Variants in ZNF540 observed in about 807,000 individuals in gnomAD.
The protein encoded by ZNF540 is zinc finger protein 540.
A neutral mutation model predicts 11.8 loss-of-function variants in ZNF540; 3 were observed. The observed-to-expected ratio is 0.25, with a 90% CI of 0.12 to 0.65. ZNF540 has a LOEUF of 0.65. Ranked by LOEUF, ZNF540 falls within the 30% of genes least tolerant of loss-of-function variation. ZNF540 has a pLI of 0.83. For synonymous variants in ZNF540, 247 were observed against 259.0 expected, an observed-to-expected ratio of 0.95 and a Z score of 0.45; for missense variants, 709 against 793.1, an observed-to-expected ratio of 0.89 and a Z score of 1.27.
intron 1 of ZNF540, among the ~76,000 whole-genome samples, chr19:37,559,523 G>C (rs2042695112): frequency 6.6e-6 from 1 of 152,154 alleles, no homozygotes; most frequent in African/African-American, 2.4e-5. Context: ...AATTCTGCAG[G>C]CATTTTGAAA....
chr19:37,603,153 G>A (rs547989965), intron 4 of ZNF540, among the ~76,000 whole-genome samples: 3 of 151,894 alleles, frequency 2.0e-5, no homozygotes, highest in South Asian at 2.1e-4. Context: ...TATTACAGGC[G>A]CCTGCCACCA....
chr19:37,604,918 C>T (rs960082829), intron 4 of ZNF540, among the ~76,000 whole-genome samples: 3 of 152,328 alleles, frequency 2.0e-5, no homozygotes, highest in African/African-American at 7.2e-5. Flanking sequence ...CATACTACTT[C>T]TACTTCTGAT....
Position 37,584,069 on chromosome 19 carries a change from A to G in ZNF540, c.-72-14307A>G, listed in dbSNP as rs2043573115. On this transcript the variant is annotated intron_variant, in intron 1 of 4. Coordinates refer to the ZNF540 transcript ENST00000592533. ...TTCCCATTCCTCCTGAGAGAAGTCAATGGCCACATCCCTGAAAGTCACCAA... is the reference window on the plus strand; with the variant it reads ...TTCCCATTCCTCCTGAGAGAAGTCAGTGGCCACATCCCTGAAAGTCACCAA... 8.7e-6 allele frequency: 14 copies of G among 1,614,046 alleles called. No homozygotes were observed. The highest frequency in any genetic ancestry group is 1.2e-5 in the Non-Finnish European group (14 of 1,180,024).
At chr19:37,600,781 A>G (rs775336304) in intron 3 of ZNF540, among the ~76,000 whole-genome samples, 2 of 152,258 alleles carry the variant, frequency 1.3e-5, no homozygotes, top group South Asian at 4.2e-4. Flanking sequence ...TAATTCCAAA[A>G]TGAATTAAAA....
chr19:37,612,873 C>CT lies in ZNF540; in HGVS notation c.1596dup (p.Ile533TyrfsTer3), dbSNP rs769198120. 6.8e-6 allele frequency: 11 copies of CT among 1,613,910 alleles called. No individual in the cohort carries two copies. The highest frequency in any genetic ancestry group is 6.8e-6 in the Non-Finnish European group (8 of 1,180,000). On this transcript the variant is annotated frameshift_variant, in exon 5 of 5. Transcript: ENST00000316433. LOFTEE classifies it low-confidence loss of function (END_TRUNC). The stretch of plus-strand genomic sequence containing the variant: ...ATAAATGTAAAGAATGTGGAAAGGC[C>CT]TTTATTCGTAGAGGGAATCTTAAAG...
intron 1 of ZNF540, chr19:37,584,996 C>G (rs2043618316): frequency 6.6e-6 from 1 of 150,822 alleles, no homozygotes; most frequent in African/African-American, 2.4e-5. Flanking sequence ...TAGACAAATT[C>G]TCTAATGTCT....
intron 4 of ZNF540, among the ~76,000 whole-genome samples, chr19:37,602,537 C>A (rs1661674569): frequency 6.6e-6 from 1 of 152,112 alleles, no homozygotes; most frequent in African/African-American, 2.4e-5. Flanking sequence ...CATAAGATAT[C>A]GACTGTCTGG....
chr19:37,592,729 T>G (rs2043903237), upstream of ZNF540, among the ~76,000 whole-genome samples: 1 of 152,210 alleles, frequency 6.6e-6, no homozygotes, highest in Non-Finnish European at 1.5e-5. Context: ...CTGATCCAAA[T>G]TCCATCAAAC....
intron 1 of ZNF540, chr19:37,586,834 G>C: frequency 2.6e-6 from 2 of 763,970 alleles, no homozygotes; most frequent in Non-Finnish European, 4.3e-6. Flanking sequence ...CTCCTCTTTT[G>C]GGAATTTGGA....
intron 1 of ZNF540, chr19:37,565,927 A>T: frequency 6.2e-7 from 1 of 1,613,916 alleles, no homozygotes; most frequent in Non-Finnish European, 8.5e-7. Context: ...TCTTAACTTC[A>T]GAGCATTTTT....
chr19:37,563,453 G>A (rs1157069049), intron 1 of ZNF540: 1 of 151,860 alleles, frequency 6.6e-6, no homozygotes, highest in Non-Finnish European at 1.5e-5. Context: ...AGGAAAAACT[G>A]TAGTTGGTAA....
chr19:37,597,188 G>T (rs1568365642), intron 1 of ZNF540, among the ~76,000 whole-genome samples: 1 of 151,910 alleles, frequency 6.6e-6, no homozygotes, highest in South Asian at 2.1e-4. Flanking sequence ...TGCTTCCAGG[G>T]CCATAAATTT....
upstream of ZNF540, among the ~76,000 whole-genome samples, chr19:37,590,945 GAATA>G (rs1227105506): frequency 3.9e-5 from 6 of 152,052 alleles, no homozygotes; most frequent in Non-Finnish European, 5.9e-5. Context: ...TTATATTTTA[GAATA>G]AAGAACGTAA....
chr19:37,584,030 G>GCAGGGTC (rs1568356364), intron 1 of ZNF540: 1 of 1,614,082 alleles, frequency 6.2e-7, no homozygotes, highest in Non-Finnish European at 8.5e-7. Flanking sequence ...GTCCCTCTGA[G>GCAGGGTC]CAGGGTCCAG....
At chr19:37,585,817 A>C (rs745352629) in intron 1 of ZNF540, 3 of 152,184 alleles carry the variant, frequency 2.0e-5, no homozygotes, top group Non-Finnish European at 4.4e-5. Flanking sequence ...GTTATCCTGG[A>C]TTATCTGGTT....
rs752184948 is a variant in ZNF540 at position 37,565,182 on chromosome 19, C to T, written c.-73+13517C>T. ...CATTCCTTACATTTGTAGGGCTTCTCTCCGGTATGAATTCTTTGATGTTGA... is the reference window on the plus strand; with the variant it reads ...CATTCCTTACATTTGTAGGGCTTCTTTCCGGTATGAATTCTTTGATGTTGA... On this transcript the variant is annotated intron_variant, in intron 1 of 4. Coordinates refer to the ZNF540 transcript ENST00000592533. 2.3e-5 allele frequency: 37 copies of T among 1,613,372 alleles called. 2 individuals carry two copies. In the South Asian group the frequency reaches 3.8e-4, roughly 17 times the overall value.
At chr19:37,555,875 C>T (rs1333270074) in intron 1 of ZNF540, 7 of 700,306 alleles carry the variant, frequency 1.0e-5, no homozygotes, top group East Asian at 8.0e-5. Flanking sequence ...TAATTTAGGA[C>T]GAGAAGCACG....
upstream of ZNF540, chr19:37,594,717 T>A (rs1444335399): frequency 6.6e-6 from 1 of 152,168 alleles, no homozygotes; most frequent in Non-Finnish European, 1.5e-5. Context: ...CTGCGAGCGG[T>A]TCCCGGTGAG....
intron 1 of ZNF540, among the ~76,000 whole-genome samples, chr19:37,578,279 G>A (rs1388521079): frequency 6.6e-6 from 1 of 152,166 alleles, no homozygotes; most frequent in Non-Finnish European, 1.5e-5. Flanking sequence ...AACTCACAGA[G>A]AACAGAGAGA....
Sources: allele counts gnomAD v4.1 joint callset (sites outside exome capture counted in the v4.1 genomes callset), GRCh38; gene constraint gnomAD v4.1.1; transcripts MANE v1.5; gene names NCBI Gene and HGNC (gene_info 2026-07-23, HGNC 2026-07-21).